The following MPHOSPH8 variants were observed in gnomAD, a reference collection of about 807,000 sequenced individuals.
The protein encoded by MPHOSPH8 is M-phase phosphoprotein 8, also known as M-phase phosphoprotein, mpp.
MPHOSPH8 carries 45 observed loss-of-function variants against 87.3 expected under a neutral mutation model. The ratio of observed to expected loss-of-function variants is 0.52; its 90% CI spans 0.41 to 0.66. The LOEUF (loss-of-function observed/expected upper bound fraction) is 0.66. Among genes scored for constraint, MPHOSPH8 ranks in the 30% least tolerant of loss-of-function variants. The pLI is 0.00. For missense variants in MPHOSPH8, 883 were observed against 1,020.2 expected (o/e 0.87, Z 1.83); for synonymous variants, 366 against 376.9 (o/e 0.97, Z 0.33).
chr13:19,642,042 T>TTG, intron 1 of MPHOSPH8, 73 bp from the exon 2 acceptor site: 1 of 969,044 alleles, frequency 1.0e-6, no homozygotes, highest in Non-Finnish European at 1.3e-6. Context: ...TCTCATCAGT[T>TTG]TTTTTTTTTT....
At chr13:19,653,952 G>T (rs117162558) in intron 5 of MPHOSPH8, among the ~76,000 whole-genome samples, 1 of 152,138 alleles carries the variant, frequency 6.6e-6, no homozygotes, top group Non-Finnish European at 1.5e-5. Context: ...TGAAAGTGAC[G>T]AGGAGGATGG....
chr13:19,663,147 A>G, intron 9 of MPHOSPH8, 21 bp downstream of exon 9: 1 of 1,595,328 alleles, frequency 6.3e-7, no homozygotes, highest in Non-Finnish European at 8.6e-7. Flanking sequence ...CCTGCAGGTC[A>G]TCCCTTTCTT....
At position 19,659,232 on chromosome 13, in the gene MPHOSPH8, T is replaced by G. The variant is rs1565940865; in HGVS notation, c.1734T>G (p.Asp578Glu). Residue 578 changes from aspartate to glutamate, a missense_variant, in exon 7 of 14, where the codon GAT becomes GAG. By Grantham distance (45) the Asp-to-Glu change is conservative. Transcript: ENST00000361479. ...NVLRDAVKNG[D>E]YITVKVALNS... ...TAAGGGATGCTGTGAAAAATGGGGA[T>G]TATATTACTGTAAAAGTTGCACTTA... 3 of 1,612,684 alleles carry G rather than the reference T, an allele frequency of 1.9e-6. No homozygotes were observed. The highest frequency in any genetic ancestry group is 2.5e-6 in the Non-Finnish European group (3 of 1,179,536).
chr13:19,670,690 T>G, intron 12 of MPHOSPH8: 1 of 986,494 alleles, frequency 1.0e-6, no homozygotes, highest in Non-Finnish European at 1.3e-6. Context: ...TTGGACTGAA[T>G]TAAGCAAAAT....
chr13:19,633,854 G>A lies in MPHOSPH8; in HGVS notation c.106G>A (p.Glu36Lys), dbSNP rs1246237127. 6.2e-7 allele frequency: 1 copy of A among 1,611,000 alleles called. No individual in the cohort carries two copies. Among genetic ancestry groups the A allele is most frequent in the Admixed American group, 1.7e-5 (1 of 59,396 alleles). ...EVEEGVGVVG[E>K]DNDAAARGAE... The stretch of plus-strand genomic sequence containing the variant: ...CGAAGAAGGAGTTGGAGTAGTGGGC[G>A]AAGATAATGACGCAGCCGCGAGAGG... The change falls in exon 1 of 14, where the codon GAA (glutamate) becomes AAA (lysine). Residue 36 changes from glutamate (E) to lysine (K), a missense_variant. By Grantham distance (56) the Glu-to-Lys change is moderately conservative (BLOSUM62 1). Transcript: ENST00000361479.
At chr13:19,655,968 C>T (rs1222627526) in intron 5 of MPHOSPH8, among the ~76,000 whole-genome samples, 1 of 152,028 alleles carries the variant, frequency 6.6e-6, no homozygotes, top group East Asian at 1.9e-4. Context: ...CAAAATTAGG[C>T]GCATGCCTGT....
At chr13:19,653,566 C>T (rs1488078244) in intron 5 of MPHOSPH8, among the ~76,000 whole-genome samples, 8 of 152,096 alleles carry the variant, frequency 5.3e-5, no homozygotes, top group African/African-American at 1.9e-4. Context: ...ATGAGTTTGA[C>T]GAATTGACAG....
intron 2 of MPHOSPH8, among the ~76,000 whole-genome samples, chr13:19,643,282 C>CAA (rs1874391560): frequency 6.6e-6 from 1 of 152,084 alleles, no homozygotes; most frequent in Non-Finnish European, 1.5e-5. Context: ...TTGCTTCTGT[C>CAA]ACCCAGGCTG....
At chr13:19,664,742 G>T (rs889034437) in intron 9 of MPHOSPH8, among the ~76,000 whole-genome samples, 1 of 152,096 alleles carries the variant, frequency 6.6e-6, no homozygotes, top group Non-Finnish European at 1.5e-5. Flanking sequence ...ACGGCTGGCA[G>T]AGCTGGGGGA....
intron 5 of MPHOSPH8, among the ~76,000 whole-genome samples, chr13:19,651,856 T>C (rs1438077751): frequency 1.3e-5 from 2 of 151,864 alleles, no homozygotes. Flanking sequence ...TCCCAGCACT[T>C]TGGGAGGCCG....
chr13:19,673,415 G>T lies in MPHOSPH8; in HGVS notation c.*1540G>T. ...CATCCTAAAACTGCCTTTTCCTATG[G>T]TTTTGTCAATAAAACACTATGATGT... On this transcript the variant is annotated 3_prime_UTR_variant, in exon 14 of 14. Coordinates refer to ENST00000361479, the MANE Select transcript of MPHOSPH8 (RefSeq NM_017520.4). 1 of 237,900 alleles carries T rather than the reference G, an allele frequency of 4.2e-6. No individual in the cohort carries two copies. The highest frequency in any genetic ancestry group is 8.4e-6 in the Non-Finnish European group (1 of 118,778). 14.7% of individuals were successfully genotyped at this position (237,900 alleles called of 1,614,324 possible).
intron 10 of MPHOSPH8, among the ~76,000 whole-genome samples, chr13:19,667,216 A>G (rs1482897818): frequency 6.6e-6 from 1 of 152,144 alleles, no homozygotes; most frequent in Non-Finnish European, 1.5e-5. Flanking sequence ...TTTCTTTTTA[A>G]TAGACTTTAT....
intron 5 of MPHOSPH8, among the ~76,000 whole-genome samples, chr13:19,650,650 A>T (rs1355512398): frequency 6.6e-6 from 1 of 152,212 alleles, no homozygotes; most frequent in Non-Finnish European, 1.5e-5. Flanking sequence ...AGATTATATT[A>T]TAAATGCTGT....
chr13:19,668,300 G>A (rs1434662280), intron 10 of MPHOSPH8, 77 bp from the exon 11 acceptor site: 2 of 1,348,218 alleles, frequency 1.5e-6, no homozygotes, highest in Non-Finnish European at 2.0e-6. Flanking sequence ...GTTGGCCTGG[G>A]AAGCCCTCAC....
intron 11 of MPHOSPH8, 55 bp from the exon 12 acceptor site, chr13:19,670,181 C>A: frequency 6.2e-7 from 1 of 1,606,398 alleles, no homozygotes. Flanking sequence ...TTGAGTGTTC[C>A]TCTGGGGACT....
Position 19,673,220 on chromosome 13 carries a change from A to AGAG in MPHOSPH8, c.*1346_*1348dup. 1 of 429,330 alleles carries AGAG rather than the reference A, an allele frequency of 2.3e-6. No individual in the cohort carries two copies. Among genetic ancestry groups the AGAG allele is most frequent in the East Asian group, 7.0e-5 (1 of 14,298 alleles). The allele number at this position is 429,330 out of a possible 1,614,324, so 26.6% of individuals were successfully genotyped here. Reference sequence around the variant, plus strand: ...GTGGGAGCCACCACCCTCTCTGGGAAGAGTTCCTGCTTCTGTATGGCAAGC... The same window carrying AGAG: ...GTGGGAGCCACCACCCTCTCTGGGAAGAGGAGTTCCTGCTTCTGTATGGCAAGC... On this transcript the variant is annotated 3_prime_UTR_variant, in exon 14 of 14. Transcript: ENST00000361479.
At position 19,661,844 on chromosome 13, in the gene MPHOSPH8, T is replaced by A. The variant is rs200334558; in HGVS notation, c.1932+6T>A. The A allele has an allele frequency of 1.8e-3, 2,906 of 1,601,056 alleles. 6 individuals carry two copies. Among genetic ancestry groups the A allele is most frequent in the Non-Finnish European group, 2.2e-3 (2,635 of 1,172,716 alleles). ...TCATTCATGCTGCAGAGAAGGTTTGTGGCTTCTTATGCATCAGTTTCAGAG... is the reference window on the plus strand; with the variant it reads ...TCATTCATGCTGCAGAGAAGGTTTGAGGCTTCTTATGCATCAGTTTCAGAG... On this transcript the variant is annotated splice_donor_region_variant and intron_variant, in intron 8 of 13. Transcript: ENST00000361479.
At chr13:19,636,856 G>C (rs1874037312) in intron 1 of MPHOSPH8, among the ~76,000 whole-genome samples, 1 of 152,120 alleles carries the variant, frequency 6.6e-6, no homozygotes, top group African/African-American at 2.4e-5. Flanking sequence ...CTGCCTTTTA[G>C]TTTGGCTCAC....
chr13:19,635,348 G>A (rs1348317244), intron 1 of MPHOSPH8, among the ~76,000 whole-genome samples: 2 of 152,054 alleles, frequency 1.3e-5, no homozygotes, highest in Non-Finnish European at 2.9e-5. Context: ...GTGAAACCCC[G>A]TCTCTACTAA....
Sources: gnomAD v4.1 joint callset for allele counts (sites outside exome capture counted in the v4.1 genomes callset) on GRCh38, gnomAD v4.1.1 for gene constraint, MANE v1.5 for transcripts, NCBI Gene and HGNC (gene_info 2026-07-23, HGNC 2026-07-21) for gene names.